The following DCDC1 variants were observed in gnomAD, a reference collection of about 807,000 sequenced individuals.
DCDC1 encodes doublecortin domain-containing protein 1.
In DCDC1, 200 loss-of-function variants were observed where a neutral mutation model predicts 178.3. The ratio of observed to expected loss-of-function variants is 1.12; its 90% CI spans 1.00 to 1.26. The LOEUF (loss-of-function observed/expected upper bound fraction) is 1.26, where lower values mean the gene tolerates loss of function less well. Among genes scored for constraint, DCDC1 ranks in the 50% most tolerant of loss-of-function variants. The pLI is 0.00. For synonymous variants in DCDC1, 690 were observed against 604.8 expected (o/e 1.14, Z -2.07); for missense variants, 1,983 against 1,749.2 (o/e 1.13, Z -2.38).
intron 9 of DCDC1, among the ~76,000 whole-genome samples, chr11:31,138,334 A>C (rs934711363): frequency 2.0e-5 from 3 of 152,224 alleles, no homozygotes; most frequent in Non-Finnish European, 4.4e-5. Flanking sequence ...GTCTTCTACT[A>C]CTGCTGCCAA....
intron 1 of DCDC1, among the ~76,000 whole-genome samples, chr11:31,344,421 A>T (rs886324714): frequency 2.0e-5 from 3 of 152,154 alleles, no homozygotes; most frequent in African/African-American, 7.2e-5. Context: ...TTTACAAAAG[A>T]CATTCCTGTC....
chr11:30,875,870 C>T (rs1050676991), intron 38 of DCDC1, among the ~76,000 whole-genome samples: 2 of 152,156 alleles, frequency 1.3e-5, no homozygotes, highest in African/African-American at 2.4e-5. Flanking sequence ...ACAAAGCTGA[C>T]ATAAGCATCC....
rs675351 is a variant in DCDC1, at chr11:30,881,342, G to A, written c.5083-34C>T. 3,240 of 1,607,170 alleles carry A rather than the reference G, an allele frequency of 2.0e-3. 45 individuals carry two copies. The African/African-American group carries it at 0.038, about 19-fold the overall frequency. On this transcript the variant is annotated intron_variant, in intron 36 of 38. Transcript: ENST00000684477. ...CAGAGGGACAGCCACATTTGAATAC[G>A]GAATGGCACAATATGATCATGTATC...
rs78230334 is a variant in DCDC1 at position 31,267,423 on chromosome 11, C to G, written c.961-1823G>C. Among the ~76,000 whole-genome samples the G allele has an allele frequency of 2.2e-4, 34 of 152,226 alleles. No homozygotes were observed. The East Asian group carries it at 6.4e-3, about 29-fold the overall frequency. On this transcript the variant is annotated intron_variant, in intron 7 of 38. Coordinates refer to ENST00000684477, the MANE Select transcript of DCDC1 (RefSeq NM_001387274.1). ...ATCAGGCTGCTCTCGAACTCCCAAC[C>G]TCAAGTGATCCACCTGCCTCAGCCT...
At chr11:31,002,812 CAT>C (rs900481918) in intron 20 of DCDC1, among the ~76,000 whole-genome samples, 84 of 152,216 alleles carry the variant, frequency 5.5e-4, no homozygotes, top group African/African-American at 1.4e-3. Flanking sequence ...AAATAAACCA[CAT>C]GTCACCAAAA....
intron 9 of DCDC1, among the ~76,000 whole-genome samples, chr11:31,151,515 C>G (rs1965166743): frequency 6.6e-6 from 1 of 152,136 alleles, no homozygotes; most frequent in Admixed American, 6.5e-5. Context: ...TACTTCATCT[C>G]TAGGATTATC....
chr11:30,911,103 T>C, intron 28 of DCDC1, among the ~76,000 whole-genome samples: 1 of 152,134 alleles, frequency 6.6e-6, no homozygotes, highest in South Asian at 2.1e-4. Flanking sequence ...GCATAGTGCC[T>C]GACATGCAGC....
At chr11:31,336,203 T>A (rs1371898679) in intron 1 of DCDC1, among the ~76,000 whole-genome samples, 3 of 151,980 alleles carry the variant, frequency 2.0e-5, no homozygotes, top group African/African-American at 7.3e-5. Flanking sequence ...GAATTGCAAG[T>A]TTAAATAGGG....
chr11:31,284,230 A>T (rs1946661100), intron 7 of DCDC1, among the ~76,000 whole-genome samples: 1 of 152,216 alleles, frequency 6.6e-6, no homozygotes, highest in African/African-American at 2.4e-5. Context: ...GACAGGACAC[A>T]TTAGGAATTA....
At chr11:31,297,299 A>T (rs1947760411) in intron 6 of DCDC1, among the ~76,000 whole-genome samples, 2 of 152,150 alleles carry the variant, frequency 1.3e-5, no homozygotes, top group African/African-American at 4.8e-5. Context: ...AAGCAATTCA[A>T]ACAAGAACCC....
intron 20 of DCDC1, among the ~76,000 whole-genome samples, chr11:30,967,247 CT>C (rs1317329114): frequency 7.1e-6 from 1 of 141,190 alleles, no homozygotes; most frequent in Non-Finnish European, 1.5e-5. Context: ...ATGGAATGTT[CT>C]TCCATTTGTT....
At chr11:31,001,908 T>C (rs1467185959) in intron 20 of DCDC1, among the ~76,000 whole-genome samples, 1 of 152,256 alleles carries the variant, frequency 6.6e-6, no homozygotes, top group Admixed American at 6.5e-5. Flanking sequence ...ATTTGGATGC[T>C]GCAACTACTC....
At chr11:31,193,010 TTCTCAAG>T (rs1321550346) in intron 9 of DCDC1, among the ~76,000 whole-genome samples, 13 of 152,112 alleles carry the variant, frequency 8.5e-5, no homozygotes, top group Non-Finnish European at 1.6e-4. Context: ...CAACTCCAAG[TTCTCAAG>T]TCTTTGGACC....
intron 11 of DCDC1, among the ~76,000 whole-genome samples, chr11:31,119,870 G>A (rs1285963760): frequency 6.6e-6 from 1 of 152,084 alleles, no homozygotes; most frequent in Non-Finnish European, 1.5e-5. Flanking sequence ...GTAGTAAAAA[G>A]GTAAGAAGAT....
intron 9 of DCDC1, among the ~76,000 whole-genome samples, chr11:31,224,804 A>G (rs1974713058): frequency 6.6e-6 from 1 of 152,160 alleles, no homozygotes. Context: ...TAGAACCACA[A>G]TGAGACACCA....
At chr11:31,273,531 G>C (rs886631215) in intron 7 of DCDC1, among the ~76,000 whole-genome samples, 1 of 152,120 alleles carries the variant, frequency 6.6e-6, no homozygotes, top group African/African-American at 2.4e-5. Flanking sequence ...CCTCAGCCTG[G>C]ACTTCATTGT....
chr11:31,146,107 C>T (rs1964423463), intron 9 of DCDC1, among the ~76,000 whole-genome samples: 1 of 145,530 alleles, frequency 6.9e-6, no homozygotes, highest in Admixed American at 7.0e-5. Context: ...GAGTCTCGCT[C>T]TGTTGCCCAG....
At chr11:31,062,017 GC>G (rs1367136950) in intron 20 of DCDC1, among the ~76,000 whole-genome samples, 1 of 152,088 alleles carries the variant, frequency 6.6e-6, no homozygotes, top group Non-Finnish European at 1.5e-5. Flanking sequence ...GCTACCCAGT[GC>G]CCTATACCCT....
chr11:31,257,488 C>T (rs907307340), intron 8 of DCDC1, among the ~76,000 whole-genome samples: 1 of 151,712 alleles, frequency 6.6e-6, no homozygotes, highest in Non-Finnish European at 1.5e-5. Flanking sequence ...GAAAGTATTA[C>T]AAATCGAGGA....
Sources: allele counts gnomAD v4.1 joint callset (sites outside exome capture counted in the v4.1 genomes callset), GRCh38; gene constraint gnomAD v4.1.1; transcripts MANE v1.5; gene names NCBI Gene and HGNC (gene_info 2026-07-23, HGNC 2026-07-21).